Variants in CLASP1 observed in about 807,000 individuals in gnomAD.
CLASP1 encodes the protein CLIP-associating protein 1.
Under a neutral mutation model 192.3 loss-of-function variants are expected in CLASP1, and 38 were observed. The observed-to-expected ratio is 0.20, with a 90% CI of 0.15 to 0.26. CLASP1 has a LOEUF of 0.26. Ranked by LOEUF, CLASP1 falls within the 10% of genes least tolerant of loss-of-function variation. The probability of loss-of-function intolerance (pLI) is 1.00; values close to 1 mark genes in which losing one functional copy is unlikely to be tolerated. For missense variants in CLASP1, 1,433 were observed against 1,932.5 expected (o/e 0.74, Z 4.85); for synonymous variants, 691 against 712.8 (o/e 0.97, Z 0.49).
rs2070663697 is a variant in CLASP1, at chr2:121,635,457, C to T, written c.-286+13915G>A. ...ATAAAAGTGTTTACATAACAAGATACTAAGAAATACCTTAAGAGTCAAAAT... is the reference window on the plus strand; with the variant it reads ...ATAAAAGTGTTTACATAACAAGATATTAAGAAATACCTTAAGAGTCAAAAT... On this transcript the variant is annotated intron_variant, in intron 1 of 39. Coordinates refer to ENST00000263710, the Ensembl canonical transcript of CLASP1. Among the ~76,000 whole-genome samples, 3 of 152,098 alleles carry T rather than the reference C, an allele frequency of 2.0e-5. 1 individual carries two copies. In the South Asian group the frequency reaches 6.2e-4, roughly 31 times the overall value.
chr2:121,497,270 A>C (rs752043498), intron 8 of CLASP1, among the ~76,000 whole-genome samples: 5 of 152,244 alleles, frequency 3.3e-5, no homozygotes, highest in Non-Finnish European at 5.9e-5. Flanking sequence ...ATCAAAAATG[A>C]CACCCAATCT....
rs191030369 is a variant in CLASP1, at chr2:121,624,146, T to C, written c.-285-17966A>G. Among the ~76,000 whole-genome samples, 285 of 152,270 alleles carry C rather than the reference T, an allele frequency of 1.9e-3. 1 individual carries two copies. Among genetic ancestry groups the C allele is most frequent in the African/African-American group, 6.5e-3 (272 of 41,548 alleles). ...CCCTCTATTTCATTTATTTCCATTC[T>C]AGATTTTATTTATTATATTCCTTCT... On this transcript the variant is annotated intron_variant, in intron 1 of 39. Transcript: ENST00000263710.
At chr2:121,487,214 T>C (rs1486302990) in intron 8 of CLASP1, among the ~76,000 whole-genome samples, 1 of 152,134 alleles carries the variant, frequency 6.6e-6, no homozygotes, top group Non-Finnish European at 1.5e-5. Context: ...CTCACTTCCA[T>C]TCCCTCTCAG....
chr2:121,387,116 C>T lies in CLASP1; in HGVS notation c.3374+6G>A, dbSNP rs1381836409. On this transcript the variant is annotated splice_donor_region_variant and intron_variant, in intron 32 of 39. Transcript: ENST00000263710. ...ACATCTGTGGAAAGTAAAGAAGTGA[C>T]CTTACCTTGGAGACAGACCCCCATG... 1 of 1,610,296 alleles carries T rather than the reference C, an allele frequency of 6.2e-7. No homozygotes were observed. The highest frequency in any genetic ancestry group is 1.7e-5 in the Admixed American group (1 of 59,942).
At chr2:121,459,805 A>G (rs2087515664) in intron 12 of CLASP1, 175 bp downstream of exon 12, 1 of 476,676 alleles carries the variant, frequency 2.1e-6, no homozygotes, top group Non-Finnish European at 3.5e-6. Flanking sequence ...CACACTTCAC[A>G]TAATTGAGCA....
At chr2:121,354,595 A>G (rs539476859) in intron 37 of CLASP1, among the ~76,000 whole-genome samples, 9 of 152,356 alleles carry the variant, frequency 5.9e-5, no homozygotes, top group African/African-American at 1.9e-4. Flanking sequence ...CTGGCTTTCT[A>G]GTGCAAGAAA....
chr2:121,582,459 AG>A lies in CLASP1; in HGVS notation c.195+23241del, dbSNP rs1485288062. On this transcript the variant is annotated intron_variant, in intron 2 of 39. Coordinates refer to ENST00000263710, the Ensembl canonical transcript of CLASP1. The stretch of plus-strand genomic sequence containing the variant: ...AGGGGGGAAGGAGGAAGAGAGAGAA[AG>A]AAAGATACATGTTTTTGGAAGGAAG... Among the ~76,000 whole-genome samples the A allele has an allele frequency of 2.6e-5, 4 of 151,208 alleles. No individual in the cohort carries two copies. In the East Asian group the frequency reaches 7.8e-4, roughly 30 times the overall value.
chr2:121,387,644 C>T, intron 31 of CLASP1, 119 bp downstream of exon 32: 2 of 990,476 alleles, frequency 2.0e-6, no homozygotes, highest in Non-Finnish European at 3.0e-6. Context: ...CCTCAGGATG[C>T]TCGACATTTC....
intron 2 of CLASP1, among the ~76,000 whole-genome samples, chr2:121,554,291 A>G (rs1482803222): frequency 6.6e-6 from 1 of 152,070 alleles, no homozygotes; most frequent in African/African-American, 2.4e-5. Flanking sequence ...ACATAGATGA[A>G]GCATGAAAAC....
intron 26 of CLASP1, 91 bp from the exon 28 acceptor site, chr2:121,401,961 T>A: frequency 3.7e-6 from 2 of 534,938 alleles, no homozygotes; most frequent in Non-Finnish European, 7.2e-6. Context: ...ATGCGTTTTT[T>A]TAAGAAAACC....
intron 8 of CLASP1, among the ~76,000 whole-genome samples, chr2:121,476,204 C>T: frequency 6.6e-6 from 1 of 152,196 alleles, no homozygotes; most frequent in East Asian, 1.9e-4. Context: ...GGTCCAGATG[C>T]TGCAGAGAGG....
Position 121,448,266 on chromosome 2 carries a change from T to C in CLASP1, c.1741+10A>G. 1 of 1,612,910 alleles carries C rather than the reference T, an allele frequency of 6.2e-7. No homozygotes were observed. Among genetic ancestry groups the C allele is most frequent in the East Asian group, 2.2e-5 (1 of 44,876 alleles). ...GGAGAACAGGCCTTCTCCACGGCTGTCAGTCTCACCTCTAGATGTGGTACT... is the reference window on the plus strand; with the variant it reads ...GGAGAACAGGCCTTCTCCACGGCTGCCAGTCTCACCTCTAGATGTGGTACT... On this transcript the variant is annotated intron_variant, in intron 18 of 39. Coordinates refer to ENST00000263710, the Ensembl canonical transcript of CLASP1.
In CLASP1 at chr2:121,397,326, A is replaced by C. The variant is rs1164213324; in HGVS notation, c.2980-43T>G. 2.6e-6 allele frequency: 4 copies of C among 1,543,758 alleles called. No homozygotes were observed. The Admixed American group carries it at 6.9e-5, about 27-fold the overall frequency. ...TATAAACATTAAGTACACTTGATGA[A>C]TCTTTGAACACAATTCTTATCAGGT... On this transcript the variant is annotated intron_variant, in intron 29 of 39. Transcript: ENST00000263710.
At chr2:121,530,781 C>G in intron 2 of CLASP1, 1 of 569,976 alleles carries the variant, frequency 1.8e-6, no homozygotes, top group Non-Finnish European at 3.2e-6. Context: ...TGGAGGTAAG[C>G]TAGCTACCAG....
At chr2:121,517,678 G>A (rs1020843840) in intron 6 of CLASP1, among the ~76,000 whole-genome samples, 3 of 151,650 alleles carry the variant, frequency 2.0e-5, no homozygotes, top group African/African-American at 7.3e-5. Context: ...AACAAAGTGA[G>A]CGCCCATCTC....
At chr2:121,576,037 C>A (rs1462190198) in intron 2 of CLASP1, among the ~76,000 whole-genome samples, 1 of 152,318 alleles carries the variant, frequency 6.6e-6, no homozygotes, top group East Asian at 1.9e-4. Context: ...AGGTATTACA[C>A]AACCTGGCCT....
chr2:121,493,247 T>C (rs1389502128), intron 8 of CLASP1, among the ~76,000 whole-genome samples: 1 of 152,186 alleles, frequency 6.6e-6, no homozygotes, highest in African/African-American at 2.4e-5. Context: ...CAAATTATAC[T>C]ACTACCATTG....
chr2:121,393,494 CTT>C (rs1323620419), intron 30 of CLASP1, among the ~76,000 whole-genome samples: 2 of 152,062 alleles, frequency 1.3e-5, no homozygotes, highest in Non-Finnish European at 2.9e-5. Flanking sequence ...AATTTTAAAT[CTT>C]ATCAATTTTA....
intron 26 of CLASP1, chr2:121,403,445 G>A (rs1230480550): frequency 4.4e-6 from 2 of 456,708 alleles, no homozygotes; most frequent in Non-Finnish European, 8.8e-6. Flanking sequence ...AGAAGATGAT[G>A]ATGACTAACT....
Sources: gnomAD v4.1 joint callset for allele counts (sites outside exome capture counted in the v4.1 genomes callset) on GRCh38, gnomAD v4.1.1 for gene constraint, MANE v1.5 for transcripts, NCBI Gene and HGNC (gene_info 2026-07-23, HGNC 2026-07-21) for gene names.